AR: variants seen among roughly 807,000 people sequenced by gnomAD.
AR encodes dihydrotestosterone receptor.
In AR, 8 loss-of-function variants were observed where a neutral mutation model predicts 53.9. The observed-to-expected ratio is 0.15, with a 90% CI of 0.09 to 0.27. The LOEUF is 0.27. Among genes scored for constraint, AR ranks in the 10% least tolerant of loss-of-function variants. The pLI is 1.00. For missense variants in AR, 639 were observed against 742.5 expected (o/e 0.86, Z 1.62); for synonymous variants, 359 against 316.4 (o/e 1.13, Z -1.43).
chrX:67,553,729 A>T (rs1230865341), intron 1 of AR, among the ~76,000 whole-genome samples: 3 of 112,285 alleles, frequency 2.7e-5, no homozygotes, highest in Admixed American at 9.4e-5. Flanking sequence ...TTTGTCAACA[A>T]TTTTTATTGT....
chrX:67,568,416 A>C (rs1921650899), intron 1 of AR, among the ~76,000 whole-genome samples: 1 of 111,484 alleles, frequency 9.0e-6, no homozygotes, highest in Admixed American at 9.5e-5. Flanking sequence ...AAGCACAAAC[A>C]CTTTACTGGC....
chrX:67,648,218 T>G (rs1342060403), intron 2 of AR, among the ~76,000 whole-genome samples: 1 of 111,832 alleles, frequency 8.9e-6, no homozygotes, highest in African/African-American at 3.2e-5. Flanking sequence ...CTAGAAATGC[T>G]AGAAGAGGAT....
intron 1 of AR, among the ~76,000 whole-genome samples, chrX:67,586,771 G>A (rs922825630): frequency 8.9e-6 from 1 of 111,933 alleles, no homozygotes; most frequent in African/African-American, 3.3e-5. Flanking sequence ...TTCAGTGTAA[G>A]AGTGGCCCCA....
At chrX:67,581,187 T>C (rs1922280266) in intron 1 of AR, among the ~76,000 whole-genome samples, 1 of 111,257 alleles carries the variant, frequency 9.0e-6, no homozygotes, top group African/African-American at 3.3e-5. Context: ...TCCTCTCTCA[T>C]AGTTTTAGGA....
Position 67,628,063 on chromosome X carries a change from G to C in AR, c.1617-15193G>C, listed in dbSNP as rs749019059. Among the ~76,000 whole-genome samples the C allele has an allele frequency of 1.1e-4, 12 of 111,715 alleles. No homozygotes were observed. In the South Asian group the frequency reaches 4.5e-3, roughly 42 times the overall value. ...AGCCTTGTAGTATAGTTAGAAGTCA[G>C]GGAGTGTGATGCCTCCAGCTTTGTT... On this transcript the variant is annotated intron_variant, in intron 1 of 7. Coordinates refer to ENST00000374690, the MANE Select transcript of AR (RefSeq NM_000044.6).
intron 1 of AR, among the ~76,000 whole-genome samples, chrX:67,633,363 C>T (rs907707766): frequency 6.3e-5 from 7 of 111,619 alleles, no homozygotes; most frequent in African/African-American, 2.3e-4. Flanking sequence ...ATTTAGCTTC[C>T]ACTTATCAGT....
At chrX:67,585,533 C>T (rs1418809771) in intron 1 of AR, among the ~76,000 whole-genome samples, 5 of 111,899 alleles carry the variant, frequency 4.5e-5, no homozygotes, top group African/African-American at 6.5e-5. Flanking sequence ...GTTCATTGCC[C>T]ATGTAAAGGC....
intron 1 of AR, among the ~76,000 whole-genome samples, chrX:67,640,369 G>A (rs1279822595): frequency 9.0e-6 from 1 of 111,060 alleles, no homozygotes; most frequent in Non-Finnish European, 1.9e-5. Context: ...TTTTTCTGTT[G>A]TTTGGAATAG....
rs1458399602 is a variant in AR at position 67,544,990 on chromosome X, C to A, written c.-157C>A. The A allele has an allele frequency of 4.8e-6, 4 of 824,942 alleles. No homozygotes were observed. The highest frequency in any genetic ancestry group is 3.0e-5 in the South Asian group (1 of 33,410). The allele number at this position is 824,942 out of a possible 1,213,427, so 68.0% of individuals were successfully genotyped here. ...TTTGAGGCTGTCAGAGCGCTTTTTG[C>A]GTGGTTGCTCCCGCAAGTTTCCTTC... On this transcript the variant is annotated 5_prime_UTR_variant, in exon 1 of 8. Transcript: ENST00000374690.
intron 1 of AR, among the ~76,000 whole-genome samples, chrX:67,582,452 G>A (rs1165955327): frequency 8.9e-6 from 1 of 111,865 alleles, no homozygotes; most frequent in Non-Finnish European, 1.9e-5. Context: ...CATGGGAAGA[G>A]GATGTTTGAT....
chrX:67,713,816 G>C (rs1042919766), intron 4 of AR, among the ~76,000 whole-genome samples: 1 of 111,689 alleles, frequency 9.0e-6, no homozygotes, highest in African/African-American at 3.3e-5. Flanking sequence ...TAACAAATCT[G>C]CAAGCCAATA....
At chrX:67,551,001 G>GTTTTT (rs1213943835) in intron 1 of AR, among the ~76,000 whole-genome samples, 2,009 of 76,529 alleles carry the variant, frequency 0.026, 165 homozygotes, top group African/African-American at 0.11. Flanking sequence ...GAATAGCTGG[G>GTTTTT]TTTTTTTTTT....
At chrX:67,599,239 A>C (rs1923230654) in intron 1 of AR, among the ~76,000 whole-genome samples, 1 of 111,967 alleles carries the variant, frequency 8.9e-6, no homozygotes, top group Non-Finnish European at 1.9e-5. Context: ...TTGGCAATGT[A>C]GACTAAATAC....
chrX:67,627,557 A>G (rs1924754102), intron 1 of AR, among the ~76,000 whole-genome samples: 1 of 111,248 alleles, frequency 9.0e-6, no homozygotes, highest in African/African-American at 3.3e-5. Flanking sequence ...GTACGTTGCG[A>G]AAATTTTCTC....
intron 3 of AR, among the ~76,000 whole-genome samples, chrX:67,700,893 A>G (rs759645054): frequency 4.5e-5 from 5 of 111,862 alleles, no homozygotes; most frequent in Non-Finnish European, 7.5e-5. Flanking sequence ...ACTGTCACCA[A>G]TTGCTCTGTG....
At chrX:67,693,996 G>T (rs920704986) in intron 3 of AR, among the ~76,000 whole-genome samples, 2 of 111,423 alleles carry the variant, frequency 1.8e-5, no homozygotes, top group African/African-American at 3.3e-5. Context: ...CTGGCATTTG[G>T]ATCTAAGAAG....
chrX:67,654,526 C>T (rs1053147241), intron 2 of AR, among the ~76,000 whole-genome samples: 3 of 110,483 alleles, frequency 2.7e-5, no homozygotes, highest in Non-Finnish European at 5.7e-5. Flanking sequence ...GTGTTCATTG[C>T]CTCTCTTGAC....
At chrX:67,695,228 C>T (rs931373431) in intron 3 of AR, 2 of 752,164 alleles carry the variant, frequency 2.7e-6, no homozygotes, top group African/African-American at 2.3e-5. Flanking sequence ...TTAGGCAATT[C>T]GTATTTCCCC....
intron 2 of AR, among the ~76,000 whole-genome samples, chrX:67,659,785 A>G (rs1304612622): frequency 5.4e-5 from 6 of 111,780 alleles, no homozygotes; most frequent in African/African-American, 9.8e-5. Context: ...TCCCTGAGGA[A>G]TCGCCACACT....
Sources: gnomAD v4.1 joint callset for allele counts (sites outside exome capture counted in the v4.1 genomes callset) on GRCh38, gnomAD v4.1.1 for gene constraint, MANE v1.5 for transcripts, NCBI Gene and HGNC (gene_info 2026-07-23, HGNC 2026-07-21) for gene names.